Variants in CCDC60 observed in about 807,000 individuals in gnomAD.
The protein encoded by CCDC60 is coiled-coil domain-containing protein 60.
CCDC60 carries 54 observed loss-of-function variants against 63.5 expected under a neutral mutation model. The ratio of observed to expected loss-of-function variants is 0.85; its 90% CI spans 0.68 to 1.07. CCDC60 has a LOEUF of 1.07. Ranked by LOEUF, CCDC60 falls within the 50% of genes least tolerant of loss-of-function variation. The pLI is 0.00. For missense variants in CCDC60, 651 were observed against 684.3 expected (o/e 0.95, Z 0.54); for synonymous variants, 206 against 238.8 (o/e 0.86, Z 1.27).
chr12:119,464,348 T>C (rs1286365423), intron 2 of CCDC60, among the ~76,000 whole-genome samples: 5 of 141,912 alleles, frequency 3.5e-5, no homozygotes, highest in Non-Finnish European at 7.7e-5. Flanking sequence ...TTCTTCCTTT[T>C]TTCTTCCCTC....
chr12:119,356,914 A>G (rs1196413955), intron 1 of CCDC60, among the ~76,000 whole-genome samples: 2 of 152,244 alleles, frequency 1.3e-5, no homozygotes, highest in Non-Finnish European at 2.9e-5. Context: ...TTAAAGTATA[A>G]CATACATAGA....
intron 1 of CCDC60, among the ~76,000 whole-genome samples, chr12:119,376,168 C>T (rs377443133): frequency 5.9e-5 from 9 of 152,306 alleles, no homozygotes; most frequent in African/African-American, 1.2e-4. Context: ...TGCTAATACC[C>T]CAGTGAAGCT....
intron 5 of CCDC60, among the ~76,000 whole-genome samples, chr12:119,497,303 T>C (rs1006730280): frequency 6.6e-6 from 1 of 152,242 alleles, no homozygotes; most frequent in Non-Finnish European, 1.5e-5. Context: ...ATGCAATGGA[T>C]GATGCAGCTT....
chr12:119,508,036 T>C (rs897932413), intron 7 of CCDC60, among the ~76,000 whole-genome samples: 3 of 152,050 alleles, frequency 2.0e-5, no homozygotes, highest in Admixed American at 2.0e-4. Flanking sequence ...CCAGGCATGG[T>C]GGCACATGCC....
At chr12:119,425,402 G>A (rs930286706) in intron 1 of CCDC60, among the ~76,000 whole-genome samples, 2 of 152,122 alleles carry the variant, frequency 1.3e-5, no homozygotes, top group Non-Finnish European at 2.9e-5. Context: ...AGCAGTGTTG[G>A]GAAAAGAAAA....
rs538691098 is a variant in CCDC60 at position 119,512,097 on chromosome 12, C to T, written c.884-4526C>T. The stretch of plus-strand genomic sequence containing the variant: ...AGGAAGGCATTCTTTCCCTAGCACC[C>T]AGTAATTGCATTAATATGCAAAGGT... On this transcript the variant is annotated intron_variant, in intron 7 of 13. Coordinates refer to ENST00000327554, the MANE Select transcript of CCDC60 (RefSeq NM_178499.5). 3.3e-5 allele frequency among the ~76,000 whole-genome samples: 5 copies of T among 152,270 alleles called. No homozygotes were observed. In the South Asian group the frequency reaches 1.0e-3, roughly 32 times the overall value.
rs1593238332 is a variant in CCDC60 at position 119,540,902 on chromosome 12, C to T, written c.*187C>T. 1.8e-6 allele frequency: 1 copy of T among 550,262 alleles called. No individual in the cohort carries two copies. Among genetic ancestry groups the T allele is most frequent in the East Asian group, 3.1e-5 (1 of 31,906 alleles). 34.1% of individuals were successfully genotyped at this position (550,262 alleles called of 1,614,324 possible). A position where few individuals can be genotyped will look rare whatever the true frequency, so the allele number is the denominator to read the frequency against. ...TTAGAGGGGGATGGCCCCGGTGGCC[C>T]TCCCCTCAATTCCACACCCCAGACC... On this transcript the variant is annotated 3_prime_UTR_variant, in exon 14 of 14. Transcript: ENST00000327554.
chr12:119,472,642 G>A (rs969499050), intron 3 of CCDC60, among the ~76,000 whole-genome samples: 19 of 145,344 alleles, frequency 1.3e-4, no homozygotes, highest in African/African-American at 3.3e-4. Flanking sequence ...GTGCAGCGGC[G>A]TGATCTTGGC....
At chr12:119,515,282 C>G (rs1316169887) in intron 7 of CCDC60, among the ~76,000 whole-genome samples, 31 of 152,162 alleles carry the variant, frequency 2.0e-4, no homozygotes, top group Non-Finnish European at 1.5e-5. Flanking sequence ...CCATAACAGT[C>G]AGGTATGAAT....
chr12:119,513,504 G>A (rs140274448), intron 7 of CCDC60, among the ~76,000 whole-genome samples: 14 of 152,268 alleles, frequency 9.2e-5, no homozygotes, highest in African/African-American at 3.1e-4. Context: ...TCTAGAGCCC[G>A]TGTCATCACA....
chr12:119,475,289 A>G (rs961553228), intron 3 of CCDC60, among the ~76,000 whole-genome samples: 17 of 152,208 alleles, frequency 1.1e-4, no homozygotes. Flanking sequence ...GGTGTCTATG[A>G]AAGACACTCC....
rs139639655 is a variant in CCDC60, at chr12:119,363,112, AAAAG to A, written c.90+27854_90+27857del. 8.0e-3 allele frequency among the ~76,000 whole-genome samples: 1,220 copies of A among 152,298 alleles called. 15 individuals carry two copies. The highest frequency in any genetic ancestry group is 0.028 in the African/African-American group (1,162 of 41,532). ...GTCTCCCTCTCAAAAATAAAAATAAAAAAGAAAGAAATTGGCAGGATTCCAGCAT... is the reference window on the plus strand; with the variant it reads ...GTCTCCCTCTCAAAAATAAAAATAAAAAAGAAATTGGCAGGATTCCAGCAT... On this transcript the variant is annotated intron_variant, in intron 1 of 13. Coordinates refer to ENST00000327554, the MANE Select transcript of CCDC60 (RefSeq NM_178499.5).
chr12:119,338,102 G>A (rs946952363), intron 1 of CCDC60, among the ~76,000 whole-genome samples: 6 of 151,994 alleles, frequency 3.9e-5, no homozygotes, highest in African/African-American at 1.4e-4. Flanking sequence ...GAAATCCTTC[G>A]CACCCCTCTC....
chr12:119,411,955 C>G (rs2092122701), intron 1 of CCDC60, among the ~76,000 whole-genome samples: 2 of 152,006 alleles, frequency 1.3e-5, no homozygotes, highest in Non-Finnish European at 2.9e-5. Flanking sequence ...CCTACTAGAC[C>G]ACCAGATCCC....
intron 1 of CCDC60, among the ~76,000 whole-genome samples, chr12:119,345,622 G>A (rs577606669): frequency 6.6e-6 from 1 of 152,198 alleles, no homozygotes; most frequent in South Asian, 2.1e-4. Context: ...GTTTAGATGG[G>A]ACATAGAAAC....
At chr12:119,478,733 G>C (rs1232574213) in intron 3 of CCDC60, among the ~76,000 whole-genome samples, 1 of 149,824 alleles carries the variant, frequency 6.7e-6, no homozygotes, top group Non-Finnish European at 1.5e-5. Flanking sequence ...TCAGCCTCCC[G>C]AGTAGCTGGG....
chr12:119,483,429 T>C (rs891453576), intron 4 of CCDC60, among the ~76,000 whole-genome samples: 1 of 152,144 alleles, frequency 6.6e-6, no homozygotes, highest in Non-Finnish European at 1.5e-5. Context: ...ACCTTTATCT[T>C]TAAAAAGGGA....
At chr12:119,379,959 C>T (rs775634044) in intron 1 of CCDC60, among the ~76,000 whole-genome samples, 4 of 152,178 alleles carry the variant, frequency 2.6e-5, no homozygotes, top group Admixed American at 6.5e-5. Flanking sequence ...GAAGGTCAAG[C>T]CCAACTCAGT....
chr12:119,482,103 T>C (rs1351947409), intron 4 of CCDC60, among the ~76,000 whole-genome samples: 1 of 141,272 alleles, frequency 7.1e-6, no homozygotes, highest in African/African-American at 2.6e-5. Flanking sequence ...TATATACACA[T>C]ATATACACAC....
Sources: allele counts gnomAD v4.1 joint callset (sites outside exome capture counted in the v4.1 genomes callset), GRCh38; gene constraint gnomAD v4.1.1; transcripts MANE v1.5; gene names NCBI Gene and HGNC (gene_info 2026-07-23, HGNC 2026-07-21).